PCDH9: variants seen among roughly 807,000 people sequenced by gnomAD.
The protein encoded by PCDH9 is protocadherin 9.
Under a neutral mutation model 70.6 loss-of-function variants are expected in PCDH9, and 24 were observed. The observed-to-expected ratio is 0.34, with a 90% CI of 0.25 to 0.48. The LOEUF (loss-of-function observed/expected upper bound fraction) is 0.48. Ranked by LOEUF, PCDH9 falls within the 20% of genes least tolerant of loss-of-function variation. The pLI, the probability that PCDH9 is intolerant of heterozygous loss-of-function variation, is 0.99. For synonymous variants in PCDH9, 562 were observed against 558.5 expected (o/e 1.01, Z -0.09); for missense variants, 1,281 against 1,503.6 (o/e 0.85, Z 2.45).
chr13:66,344,158 T>C (rs1422491922), intron 4 of PCDH9, among the ~76,000 whole-genome samples: 2 of 152,332 alleles, frequency 1.3e-5, no homozygotes, highest in African/African-American at 4.8e-5. Flanking sequence ...TTGTTTGTTT[T>C]TGAGGTGGAG....
intron 3 of PCDH9, among the ~76,000 whole-genome samples, chr13:66,885,086 T>C (rs1389641232): frequency 6.6e-6 from 1 of 152,194 alleles, no homozygotes; most frequent in East Asian, 1.9e-4. Context: ...CTCATTTGCC[T>C]AGACGGTACT....
At chr13:66,496,016 G>A (rs1959111169) in intron 4 of PCDH9, among the ~76,000 whole-genome samples, 1 of 152,144 alleles carries the variant, frequency 6.6e-6, no homozygotes, top group Admixed American at 6.5e-5. Flanking sequence ...ATTGTACAAA[G>A]CCCATAGCAA....
At chr13:67,051,138 A>G (rs1249021120) in intron 2 of PCDH9, among the ~76,000 whole-genome samples, 1 of 152,124 alleles carries the variant, frequency 6.6e-6, no homozygotes, top group African/African-American at 2.4e-5. Context: ...GCTCCATAAT[A>G]TCTACCCACC....
At chr13:66,719,675 G>A (rs1386451473) in intron 3 of PCDH9, among the ~76,000 whole-genome samples, 1 of 152,142 alleles carries the variant, frequency 6.6e-6, no homozygotes, top group Non-Finnish European at 1.5e-5. Context: ...GCTCAACATG[G>A]TGAAAATAGT....
intron 2 of PCDH9, among the ~76,000 whole-genome samples, chr13:67,191,731 TCTC>T (rs903660637): frequency 1.6e-4 from 24 of 152,040 alleles, no homozygotes; most frequent in African/African-American, 5.8e-4. Flanking sequence ...CATTCTCTCT[TCTC>T]TACCTGCCCT....
intron 4 of PCDH9, among the ~76,000 whole-genome samples, chr13:66,366,594 A>G (rs564313540): frequency 1.3e-5 from 2 of 152,160 alleles, no homozygotes; most frequent in African/African-American, 2.4e-5. Flanking sequence ...ATATGTGAGT[A>G]CATTATTTAC....
intron 2 of PCDH9, among the ~76,000 whole-genome samples, chr13:67,062,732 T>C (rs1235999201): frequency 6.6e-6 from 1 of 152,172 alleles, no homozygotes; most frequent in African/African-American, 2.4e-5. Context: ...AGTCAGAAGA[T>C]TTGGGAATGA....
At chr13:66,991,255 A>G (rs1280262460) in intron 2 of PCDH9, among the ~76,000 whole-genome samples, 1 of 152,036 alleles carries the variant, frequency 6.6e-6, no homozygotes. Flanking sequence ...CTATCTAAAA[A>G]CTATAAATAG....
intron 3 of PCDH9, among the ~76,000 whole-genome samples, 167 bp downstream of exon 3, chr13:66,903,337 T>C (rs188536848): frequency 3.3e-5 from 5 of 152,032 alleles, no homozygotes; most frequent in Admixed American, 1.3e-4. Flanking sequence ...TGGATTTTTG[T>C]TCTAAAATTA....
intron 3 of PCDH9, among the ~76,000 whole-genome samples, chr13:66,890,181 GATA>G (rs1260193835): frequency 6.6e-6 from 1 of 152,104 alleles, no homozygotes; most frequent in African/African-American, 2.4e-5. Flanking sequence ...TCTCTAGGGT[GATA>G]ATCTTACTTT....
intron 3 of PCDH9, among the ~76,000 whole-genome samples, chr13:66,836,236 C>T (rs2081015112): frequency 6.6e-6 from 1 of 152,138 alleles, no homozygotes; most frequent in Non-Finnish European, 1.5e-5. Flanking sequence ...ACCCCTCTTT[C>T]TCGATAATCA....
intron 3 of PCDH9, among the ~76,000 whole-genome samples, chr13:66,789,316 G>A (rs985547097): frequency 2.6e-5 from 4 of 152,060 alleles, no homozygotes; most frequent in Non-Finnish European, 5.9e-5. Flanking sequence ...AATCTCCCCC[G>A]TGGCTAATAG....
intron 3 of PCDH9, among the ~76,000 whole-genome samples, chr13:66,783,979 A>G (rs1483919075): frequency 6.6e-6 from 1 of 152,192 alleles, no homozygotes; most frequent in African/African-American, 2.4e-5. Flanking sequence ...AAAATTCAAA[A>G]TGGTAAGATG....
At chr13:66,627,630 A>G (rs1189729501) in intron 4 of PCDH9, among the ~76,000 whole-genome samples, 1 of 151,988 alleles carries the variant, frequency 6.6e-6, no homozygotes, top group African/African-American at 2.4e-5. Context: ...CTTCCCAATG[A>G]TGAACAAGGC....
In PCDH9 at chr13:67,226,318, C is replaced by G; in HGVS notation, c.2123G>C (p.Gly708Ala). The part of the protein sequence containing the change: ...AEVFAVDVDT[G>A]MNAELKYTIV... ...AGTATACTTTAGTTCAGCGTTCATT[C>G]CAGTGTCAACATCCACTGCAAAAAC... Residue 708 changes from glycine to alanine, a missense_variant, in exon 2 of 5, where the codon GGA (glycine) becomes GCA (alanine). Gly to Ala is a moderately conservative substitution (Grantham distance 60, BLOSUM62 0). Around this residue, in one of 4 missense-constraint regions of PCDH9, gnomAD observed 798 missense variants for 1,003.1 expected, o/e 0.80. Transcript: ENST00000377865. This position sits in a 1 kb window ranked among gnomAD's most constrained non-coding sequence, Gnocchi z 5.0. The G allele has an allele frequency of 6.2e-7, 1 of 1,614,058 alleles. No homozygotes were observed. The highest frequency in any genetic ancestry group is 1.7e-4 in the Middle Eastern group (1 of 6,060).
chr13:66,659,714 C>T (rs113322878), intron 3 of PCDH9, among the ~76,000 whole-genome samples: 53 of 152,070 alleles, frequency 3.5e-4, no homozygotes, highest in African/African-American at 1.2e-3. Context: ...TGCTCAGCCT[C>T]CTTCCCCGAT....
At chr13:67,169,999 TCTC>T (rs1292209570) in intron 2 of PCDH9, among the ~76,000 whole-genome samples, 1 of 152,190 alleles carries the variant, frequency 6.6e-6, no homozygotes, top group African/African-American at 2.4e-5. Context: ...TAATCCTGCT[TCTC>T]CTCCTCCTTT....
At chr13:66,814,283 T>G (rs116784958) in intron 3 of PCDH9, among the ~76,000 whole-genome samples, 2,381 of 152,230 alleles carry the variant, frequency 0.016, 77 homozygotes, top group African/African-American at 0.054. Flanking sequence ...CCATGGAAAT[T>G]TAAGCTCCAG....
intron 4 of PCDH9, among the ~76,000 whole-genome samples, chr13:66,608,034 T>G (rs1392209251): frequency 6.6e-6 from 1 of 152,076 alleles, no homozygotes; most frequent in African/African-American, 2.4e-5. Flanking sequence ...AAAAATATAT[T>G]AATTAATCAA....
Sources: gnomAD v4.1 joint callset for allele counts (sites outside exome capture counted in the v4.1 genomes callset) on GRCh38, gnomAD v4.1.1 for gene constraint, gnomAD v4.1.1 regional missense constraint, Gnocchi (gnomAD v3.1) non-coding constraint, MANE v1.5 for transcripts, NCBI Gene and HGNC (gene_info 2026-07-23, HGNC 2026-07-21) for gene names.